ACOT7: variants seen among roughly 807,000 people sequenced by gnomAD.
ACOT7 encodes cytosolic acyl coenzyme A thioester hydrolase.
ACOT7 carries 12 observed loss-of-function variants against 40.2 expected under a neutral mutation model. That is an observed-to-expected ratio of 0.30 (90% CI 0.19 to 0.48). ACOT7 has a LOEUF of 0.48. ACOT7 is among the 20% of genes least tolerant of loss of function. The pLI, the probability that ACOT7 is intolerant of heterozygous loss-of-function variation, is 0.99. For synonymous variants in ACOT7, 228 were observed against 219.5 expected, an observed-to-expected ratio of 1.04 and a Z score of -0.34; for missense variants, 395 against 530.8, an observed-to-expected ratio of 0.74 and a Z score of 2.51.
rs2148375805 is a variant in ACOT7, at chr1:6,278,739, A to T, written c.1014+2363T>A. On this transcript the variant is annotated intron_variant, in intron 8 of 8. Transcript: ENST00000361521. This position sits in a 1 kb window ranked among gnomAD's most constrained non-coding sequence, Gnocchi z 4.1. Reference sequence around the variant, plus strand: ...CACAGGTTAGGACATGTCAAAGCCAAGGGTTCGGGGACCGTGTGGTGGCCG... The same window carrying T: ...CACAGGTTAGGACATGTCAAAGCCATGGGTTCGGGGACCGTGTGGTGGCCG... Among the ~76,000 whole-genome samples, 1 of 152,310 alleles carries T rather than the reference A, an allele frequency of 6.6e-6. No homozygotes were observed. Among genetic ancestry groups the T allele is most frequent in the South Asian group, 2.1e-4 (1 of 4,826 alleles).
intron 6 of ACOT7, among the ~76,000 whole-genome samples, chr1:6,316,443 A>C (rs1640497741): frequency 6.6e-6 from 1 of 152,248 alleles, no homozygotes; most frequent in Non-Finnish European, 1.5e-5. Context: ...CGAGCAGTGC[A>C]GCCACCACTG....
At chr1:6,322,238 C>T (rs1640666538) in intron 5 of ACOT7, among the ~76,000 whole-genome samples, 1 of 76,380 alleles carries the variant, frequency 1.3e-5, no homozygotes, top group Admixed American at 2.1e-4. Context: ...GACGCATATT[C>T]AGGAGGGTGG....
rs1639262781 is a variant in ACOT7 at position 6,278,427 on chromosome 1, A to C, written c.1014+2675T>G. On this transcript the variant is annotated intron_variant, in intron 8 of 8. Transcript: ENST00000361521. This position sits in a 1 kb window ranked among gnomAD's most constrained non-coding sequence, Gnocchi z 4.1. ...AGCAGGGGCCCCATGGGGACGGGGC[A>C]GTAAGAGCTGTTCGGGAGAGGAGTG... 6.6e-6 allele frequency among the ~76,000 whole-genome samples: 1 copy of C among 152,136 alleles called. No homozygotes were observed.
chr1:6,342,499 G>A (rs1454923018), intron 2 of ACOT7, among the ~76,000 whole-genome samples: 1 of 152,180 alleles, frequency 6.6e-6, no homozygotes, highest in Non-Finnish European at 1.5e-5. Flanking sequence ...GTGTTGCCCA[G>A]GCAGGAATGC....
intron 1 of ACOT7, among the ~76,000 whole-genome samples, chr1:6,363,148 A>T (rs1018402188): frequency 3.9e-5 from 6 of 152,228 alleles, no homozygotes; most frequent in Non-Finnish European, 8.8e-5. Flanking sequence ...CAGGCTATAC[A>T]GAGATGGGAG....
At chr1:6,268,910 AG>A (rs1436451842) in intron 8 of ACOT7, among the ~76,000 whole-genome samples, 8 of 152,186 alleles carry the variant, frequency 5.3e-5, no homozygotes, top group Admixed American at 2.0e-4. Flanking sequence ...AGGGCGTGGG[AG>A]GACCACCCAA....
chr1:6,360,904 G>A (rs571628007), intron 1 of ACOT7, among the ~76,000 whole-genome samples: 19 of 152,272 alleles, frequency 1.2e-4, no homozygotes, highest in Non-Finnish European at 2.1e-4. Context: ...AGATGGTCCC[G>A]CAAAGAGGAA....
intron 2 of ACOT7, among the ~76,000 whole-genome samples, chr1:6,341,292 C>T (rs528794535): frequency 6.6e-6 from 1 of 151,920 alleles, no homozygotes; most frequent in South Asian, 2.1e-4. Flanking sequence ...CAGATGTGCA[C>T]CACCACGCCT....
chr1:6,386,967 T>C (rs1410487219), intron 1 of ACOT7, among the ~76,000 whole-genome samples: 1 of 152,198 alleles, frequency 6.6e-6, no homozygotes, highest in African/African-American at 2.4e-5. Flanking sequence ...CCTAAATGAA[T>C]TGAAATCTGC....
At chr1:6,287,110 G>C (rs1362484112) in intron 7 of ACOT7, among the ~76,000 whole-genome samples, 1 of 152,244 alleles carries the variant, frequency 6.6e-6, no homozygotes, top group East Asian at 1.9e-4. Context: ...CAAGCTGCCT[G>C]AGAGCCAGGA....
chr1:6,325,287 A>G (rs1430701934), intron 5 of ACOT7, among the ~76,000 whole-genome samples: 2 of 152,048 alleles, frequency 1.3e-5, no homozygotes, highest in African/African-American at 4.8e-5. Flanking sequence ...AGTCCCAGCT[A>G]CTGGGGAGGC....
intron 2 of ACOT7, among the ~76,000 whole-genome samples, chr1:6,346,554 G>A (rs59902013): frequency 0.021 from 3,152 of 152,324 alleles, 110 homozygotes; most frequent in African/African-American, 0.072. Context: ...TCCCCGAGCC[G>A]CGCTAGGCAG....
intron 6 of ACOT7, among the ~76,000 whole-genome samples, chr1:6,312,551 C>A (rs1166706151): frequency 6.6e-6 from 1 of 152,016 alleles, no homozygotes; most frequent in Non-Finnish European, 1.5e-5. Context: ...CACTGTAACC[C>A]CTCCCTCCTG....
intron 1 of ACOT7, among the ~76,000 whole-genome samples, chr1:6,376,215 C>G (rs923039039): frequency 6.6e-6 from 1 of 151,640 alleles, no homozygotes. Context: ...GAGATGGCGC[C>G]AGTGCACTCC....
At chr1:6,335,750 C>T (rs1641083995) in intron 3 of ACOT7, among the ~76,000 whole-genome samples, 1 of 152,242 alleles carries the variant, frequency 6.6e-6, no homozygotes, top group South Asian at 2.1e-4. Context: ...CTGTGCCTGC[C>T]CCTCCTCCCC....
intron 6 of ACOT7, among the ~76,000 whole-genome samples, chr1:6,312,453 C>G (rs1640365485): frequency 7.4e-6 from 1 of 135,250 alleles, no homozygotes; most frequent in African/African-American, 2.7e-5. Flanking sequence ...CTCTCTATCT[C>G]TCCCTTTCTT....
At chr1:6,298,012 A>G (rs1639860143) in intron 6 of ACOT7, among the ~76,000 whole-genome samples, 1 of 152,200 alleles carries the variant, frequency 6.6e-6, no homozygotes. Flanking sequence ...AGATGCTGCT[A>G]AATGAGGTAG....
chr1:6,385,752 C>A, intron 1 of ACOT7: 1 of 1,503,258 alleles, frequency 6.7e-7, no homozygotes, highest in Non-Finnish European at 8.9e-7. Flanking sequence ...GCCGGCTCAG[C>A]AGTGAGCCGG....
intron 2 of ACOT7, among the ~76,000 whole-genome samples, chr1:6,344,763 C>CAAAAAAAAAAAAAAAA (rs58594477): frequency 3.6e-5 from 2 of 56,036 alleles, no homozygotes; most frequent in Non-Finnish European, 9.2e-5. Context: ...GACTCTGTCT[C>CAAAAAAAAAAAAAAAA]AAAAAAAAAA....
Sources: gnomAD v4.1 joint callset for allele counts (sites outside exome capture counted in the v4.1 genomes callset) on GRCh38, gnomAD v4.1.1 for gene constraint, Gnocchi (gnomAD v3.1) non-coding constraint, MANE v1.5 for transcripts, NCBI Gene and HGNC (gene_info 2026-07-23, HGNC 2026-07-21) for gene names.